The following ATXN7 variants were observed in gnomAD, a reference collection of about 807,000 sequenced individuals.
ATXN7 encodes ataxin-7.
ATXN7 carries 12 observed loss-of-function variants against 70.5 expected under a neutral mutation model. The observed-to-expected ratio is 0.17, with a 90% confidence interval of 0.11 to 0.28. ATXN7 has a LOEUF of 0.28. Among genes scored for constraint, ATXN7 ranks in the 10% least tolerant of loss-of-function variants. The probability of loss-of-function intolerance (pLI) is 1.00; values close to 1 mark genes in which losing one functional copy is unlikely to be tolerated. For synonymous variants in ATXN7, 498 were observed against 448.7 expected (o/e 1.11, Z -1.39); for missense variants, 1,256 against 1,131.7 (o/e 1.11, Z -1.58).
At chr3:63,905,721 C>A (rs1310972267) in intron 2 of ATXN7, 1 of 152,182 alleles carries the variant, frequency 6.6e-6, no homozygotes, top group Non-Finnish European at 1.5e-5. Context: ...TTTGGTTCCC[C>A]TTTTCTACTC....
At chr3:63,890,818 G>T (rs911679466) in intron 1 of ATXN7, among the ~76,000 whole-genome samples, 1 of 152,080 alleles carries the variant, frequency 6.6e-6, no homozygotes, top group African/African-American at 2.4e-5. Context: ...AGGAGGCTCA[G>T]AGTGTGTTGA....
chr3:63,909,139 A>G (rs1703934397), intron 2 of ATXN7, among the ~76,000 whole-genome samples: 1 of 152,242 alleles, frequency 6.6e-6, no homozygotes, highest in African/African-American at 2.4e-5. Context: ...GCCATATAAA[A>G]TGAATTATTA....
intron 1 of ATXN7, among the ~76,000 whole-genome samples, chr3:63,885,861 C>G (rs982702402): frequency 5.9e-5 from 9 of 151,928 alleles, no homozygotes; most frequent in African/African-American, 2.2e-4. Flanking sequence ...ACTAAAAATA[C>G]AAAAAATTAG....
At chr3:63,958,751 C>T (rs1260480964) in intron 5 of ATXN7, among the ~76,000 whole-genome samples, 1 of 152,114 alleles carries the variant, frequency 6.6e-6, no homozygotes, top group Non-Finnish European at 1.5e-5. Flanking sequence ...AGAATTTTTG[C>T]ATGTATTATC....
intron 5 of ATXN7, among the ~76,000 whole-genome samples, chr3:63,957,716 A>G (rs1186348161): frequency 6.6e-6 from 1 of 152,222 alleles, no homozygotes; most frequent in African/African-American, 2.4e-5. Context: ...TATTATCAGG[A>G]AAATGGAAAG....
At chr3:63,981,253 T>A (rs1188352540) in intron 6 of ATXN7, among the ~76,000 whole-genome samples, 1 of 152,194 alleles carries the variant, frequency 6.6e-6, no homozygotes, top group African/African-American at 2.4e-5. Context: ...TCCTGGTTGC[T>A]AAGCCCCCAG....
intron 3 of ATXN7, 43 bp downstream of exon 3, chr3:63,912,966 C>T (rs1303752771): frequency 4.3e-6 from 6 of 1,382,792 alleles, no homozygotes; most frequent in East Asian, 6.9e-5. Flanking sequence ...CCCTCGCGAC[C>T]CCCTCCTCTC....
chr3:63,953,111 A>G (rs1291794546), intron 5 of ATXN7, among the ~76,000 whole-genome samples: 1 of 152,072 alleles, frequency 6.6e-6, no homozygotes, highest in Admixed American at 6.6e-5. Context: ...TTTACAGTCG[A>G]ATTGGAGAGG....
intron 5 of ATXN7, among the ~76,000 whole-genome samples, chr3:63,959,784 T>C (rs912088261): frequency 2.6e-5 from 4 of 152,208 alleles, no homozygotes; most frequent in Non-Finnish European, 5.9e-5. Flanking sequence ...ATTTTTCCTC[T>C]TACTGATATC....
chr3:63,914,615 TAC>T lies in ATXN7; in HGVS notation c.394+1391_394+1392del, dbSNP rs753467521. ...GAGTAGAACTTTAGAGGACCTGACC[TAC>T]TCTTGTTCTTAGTTTTCATTCTCTG... On this transcript the variant is annotated intron_variant, in intron 4 of 12. Transcript: ENST00000674280. Among the ~76,000 whole-genome samples the T allele has an allele frequency of 1.3e-3, 195 of 152,340 alleles. 1 individual carries two copies. The highest frequency in any genetic ancestry group is 2.4e-3 in the Non-Finnish European group (160 of 68,032).
Position 63,982,205 on chromosome 3 carries a change from G to C in ATXN7, c.772G>C (p.Val258Leu). The C allele has an allele frequency of 6.2e-7, 1 of 1,614,134 alleles. No homozygotes were observed. Among genetic ancestry groups the C allele is most frequent in the Non-Finnish European group, 8.5e-7 (1 of 1,180,032 alleles). ...TGACAGCATGACACCCTCTGTGAAA[G>C]TGGAAAAGATTCATCCGAAAATGGA... ...HGRIMTPSVKVEKIHPKMDGT... is the reference protein window; with the variant it reads ...HGRIMTPSVKLEKIHPKMDGT... The change falls in exon 7 of 13, where the codon GTG becomes CTG. Residue 258 changes from valine to leucine, a missense_variant. Physicochemically the swap from Val to Leu is conservative, Grantham distance 32. Transcript: ENST00000674280.
chr3:63,864,219 C>T (rs1442580515), intron 1 of ATXN7, among the ~76,000 whole-genome samples, 61 bp downstream of exon 1: 1 of 150,240 alleles, frequency 6.7e-6, no homozygotes, highest in Non-Finnish European at 1.5e-5. Flanking sequence ...GGGCCGCCCG[C>T]AGTCGGGGTC....
chr3:63,895,065 C>G (rs532428287), intron 1 of ATXN7, among the ~76,000 whole-genome samples: 3 of 152,238 alleles, frequency 2.0e-5, no homozygotes, highest in African/African-American at 7.2e-5. Flanking sequence ...CTGTTATGCC[C>G]TCTCCAAGAA....
chr3:63,887,505 C>T (rs1301360008), intron 1 of ATXN7, among the ~76,000 whole-genome samples: 1 of 152,170 alleles, frequency 6.6e-6, no homozygotes, highest in Non-Finnish European at 1.5e-5. Context: ...TTGATTAGCA[C>T]ATAGAAACCT....
At position 63,995,591 on chromosome 3, in the gene ATXN7, G is replaced by A. The variant is rs759954834; in HGVS notation, c.1769G>A (p.Gly590Glu). 6.2e-7 allele frequency: 1 copy of A among 1,614,156 alleles called. No individual in the cohort carries two copies. The highest frequency in any genetic ancestry group is 8.5e-7 in the Non-Finnish European group (1 of 1,180,024). The change falls in exon 12 of 13, where the codon GGA becomes GAA. Residue 590 changes from glycine (G) to glutamate (E), a missense_variant. Coordinates refer to ENST00000674280, the MANE Select transcript of ATXN7 (RefSeq NM_001377405.1). Reference sequence around the variant, plus strand: ...AACTCTGTGCCGACATCACAATGTGGAGTCAGCTATCTGGCAGCAGCCACC... The same window carrying A: ...AACTCTGTGCCGACATCACAATGTGAAGTCAGCTATCTGGCAGCAGCCACC... ...RTNSVPTSQC[G>E]VSYLAAATVS...
In ATXN7 at chr3:63,894,461, A is replaced by G. The variant is rs115573092; in HGVS notation, c.-110-3938A>G. On this transcript the variant is annotated intron_variant, in intron 1 of 12. Transcript: ENST00000674280. The stretch of plus-strand genomic sequence containing the variant: ...GCACAGCCTAGGAGTTAGGTGGCTC[A>G]GCTGAATAACACTGCCAATTCTAGT... Among the ~76,000 whole-genome samples the G allele has an allele frequency of 2.5e-3, 383 of 152,358 alleles. 4 individuals carry two copies. Among genetic ancestry groups the G allele is most frequent in the Non-Finnish European group, 4.3e-3 (292 of 68,032 alleles).
At chr3:63,966,039 G>T (rs1209907535) in intron 5 of ATXN7, among the ~76,000 whole-genome samples, 1 of 152,168 alleles carries the variant, frequency 6.6e-6, no homozygotes, top group Non-Finnish European at 1.5e-5. Context: ...TTACAGGGTT[G>T]CAGAACGACT....
chr3:63,907,538 C>T (rs1207172866), intron 2 of ATXN7, among the ~76,000 whole-genome samples: 1 of 148,276 alleles, frequency 6.7e-6, no homozygotes, highest in Non-Finnish European at 1.5e-5. Flanking sequence ...CAGTTCACTG[C>T]AGCCTCAATC....
intron 5 of ATXN7, among the ~76,000 whole-genome samples, chr3:63,958,380 T>G (rs2075071429): frequency 6.6e-6 from 1 of 152,206 alleles, no homozygotes; most frequent in South Asian, 2.1e-4. Flanking sequence ...TCAAAGAATG[T>G]TAGTACTATA....
Sources: gnomAD v4.1 joint callset for allele counts (sites outside exome capture counted in the v4.1 genomes callset) on GRCh38, gnomAD v4.1.1 for gene constraint, MANE v1.5 for transcripts, NCBI Gene and HGNC (gene_info 2026-07-23, HGNC 2026-07-21) for gene names.